FLII: variants seen among roughly 807,000 people sequenced by gnomAD.
FLII encodes the protein FLII actin remodeling protein, also known as protein flightless-1 homolog.
FLII carries 101 observed loss-of-function variants against 156.2 expected under a neutral mutation model. The ratio of observed to expected loss-of-function variants is 0.65; its 90% CI spans 0.55 to 0.76. The LOEUF is 0.76. Ranked by LOEUF, FLII falls within the 30% of genes least tolerant of loss-of-function variation. The probability of loss-of-function intolerance (pLI) is 0.00; values close to 1 mark genes in which losing one functional copy is unlikely to be tolerated. For missense variants in FLII, 1,675 were observed against 1,682.8 expected (o/e 1.00, Z 0.08); for synonymous variants, 767 against 685.8 (o/e 1.12, Z -1.85).
chr17:18,247,647 G>T lies in FLII; in HGVS notation c.2487+10C>A. 6.4e-7 allele frequency: 1 copy of T among 1,572,126 alleles called. No individual in the cohort carries two copies. Among genetic ancestry groups the T allele is most frequent in the African/African-American group, 1.3e-5 (1 of 74,212 alleles). ...ATCCTGGGGAGGGGCCTCCGAAGCT[G>T]CAAGCGCACCTGCGCCTCGGTGCCC... On this transcript the variant is annotated intron_variant, in intron 20 of 29. Transcript: ENST00000327031.
In FLII at chr17:18,254,554, A is replaced by G; in HGVS notation, c.542T>C (p.Leu181Pro). The G allele has an allele frequency of 6.2e-7, 1 of 1,613,090 alleles. No individual in the cohort carries two copies. ...TGCATGCAGCAGGGGGTTTCCATTG[A>G]GCACGAGCGTCTGCAGGTGCACCAG... is the stretch of plus-strand genomic sequence containing the variant. ...RRLVHLQTLV[L>P]NGNPLLHAQL... Residue 181 changes from leucine to proline, a missense_variant, in exon 6 of 30, where the codon CTC (leucine) becomes CCC (proline). Coordinates refer to ENST00000327031, the MANE Select transcript of FLII (RefSeq NM_002018.4).
intron 29 of FLII, 40 bp downstream of exon 29, chr17:18,245,314 G>C (rs2047994935): frequency 6.2e-7 from 1 of 1,613,830 alleles, no homozygotes; most frequent in Non-Finnish European, 8.5e-7. Context: ...ACCCTGCCCT[G>C]CCCACAGGCC....
chr17:18,249,452 TC>T, intron 14 of FLII, 44 bp from the exon 15 acceptor site: 1 of 1,501,026 alleles, frequency 6.7e-7, no homozygotes, highest in Non-Finnish European at 9.3e-7. Context: ...AGCTGCCCCC[TC>T]CCCCACCAAC....
At chr17:18,246,118 C>A in intron 25 of FLII, 44 bp downstream of exon 25, 1 of 1,614,154 alleles carries the variant, frequency 6.2e-7, no homozygotes, top group Non-Finnish European at 8.5e-7. Context: ...CCAAACACCC[C>A]ACCCCTTGGT....
chr17:18,247,549 G>A, intron 20 of FLII, 108 bp downstream of exon 20: 1 of 1,137,470 alleles, frequency 8.8e-7, no homozygotes, highest in Non-Finnish European at 1.2e-6. Context: ...CAGCAAAGAG[G>A]AGGTGGGTTT....
chr17:18,256,795 C>A, intron 2 of FLII, 114 bp downstream of exon 2: 1 of 807,734 alleles, frequency 1.2e-6, no homozygotes, highest in African/African-American at 1.7e-5. Flanking sequence ...TCTTCCAGCT[C>A]TGCTCATAGC....
At chr17:18,253,990 C>T (rs1195264779) in intron 7 of FLII, 89 bp downstream of exon 7, 6 of 1,018,588 alleles carry the variant, frequency 5.9e-6, no homozygotes, top group African/African-American at 3.2e-5. Context: ...GGTATTGGTC[C>T]GAAGAGCAGG....
chr17:18,247,951 T>G lies in FLII; in HGVS notation c.2273A>C (p.Glu758Ala). 6.2e-7 allele frequency: 1 copy of G among 1,614,122 alleles called. No individual in the cohort carries two copies. The highest frequency in any genetic ancestry group is 8.5e-7 in the Non-Finnish European group (1 of 1,179,954). ...TACCAGCCGCATTCTTGGCATCAGC[T>G]CCACCTTGGGACGCTGCTTATGTTC... ...SVEHKQRPKVELMPRMRLLQS... is the reference protein window; with the variant it reads ...SVEHKQRPKVALMPRMRLLQS... The change falls in exon 19 of 30, where the codon GAG becomes GCG. Residue 758 changes from glutamate to alanine, a missense_variant. Glu to Ala is a moderately radical substitution (Grantham distance 107). Coordinates refer to ENST00000327031, the MANE Select transcript of FLII (RefSeq NM_002018.4).
At chr17:18,251,120 G>A (rs1458971834) in intron 13 of FLII, 103 bp from the exon 14 acceptor site, 2 of 1,426,034 alleles carry the variant, frequency 1.4e-6, no homozygotes, top group East Asian at 2.5e-5. Flanking sequence ...CAGGGGCTTT[G>A]TACTGCCCCT....
rs901808779 is a variant in FLII at position 18,258,615 on chromosome 17, C to A, written c.63+13G>T. ...CCTGCAGGGAGGCCCGGCACGCGCC[C>A]GGCCCGGCTCACCTTGAAGTCGTTG... On this transcript the variant is annotated intron_variant, in intron 1 of 29. Coordinates refer to ENST00000327031, the MANE Select transcript of FLII (RefSeq NM_002018.4). This position sits in a 1 kb window ranked among gnomAD's most constrained non-coding sequence, Gnocchi z 4.2. 1 of 1,553,070 alleles carries A rather than the reference C, an allele frequency of 6.4e-7. No homozygotes were observed. Among genetic ancestry groups the A allele is most frequent in the South Asian group, 1.2e-5 (1 of 85,148 alleles).
At chr17:18,254,427 T>TAAGGGAG (rs1386485440) in intron 6 of FLII, 94 bp downstream of exon 6, 1 of 1,309,506 alleles carries the variant, frequency 7.6e-7, no homozygotes. Flanking sequence ...TGGCTGGGCC[T>TAAGGGAG]AAGGGAGAAG....
chr17:18,255,397 CA>C, intron 3 of FLII, 134 bp from the exon 4 acceptor site: 1 of 686,520 alleles, frequency 1.5e-6, no homozygotes, highest in Non-Finnish European at 2.6e-6. Context: ...GGCCTTTGAT[CA>C]AATAGCTCCC....
rs368913764 is a variant in FLII, at chr17:18,247,755, G to A, written c.2389C>T (p.Arg797Cys). ...WLGRKSPRLV[R>C]AAALKLGQEL... is the part of the protein sequence containing the mutation. Reference sequence around the variant, plus strand: ...TGACCCAGCTTGAGGGCGGCAGCGCGCACCAGGCGCGGGGACTTGCGGCCG... The same window carrying A: ...TGACCCAGCTTGAGGGCGGCAGCGCACACCAGGCGCGGGGACTTGCGGCCG... Residue 797 changes from arginine to cysteine, a missense_variant, in exon 20 of 30, where the codon CGC becomes TGC. By Grantham distance (180) the Arg-to-Cys change is radical. Coordinates refer to ENST00000327031, the MANE Select transcript of FLII (RefSeq NM_002018.4). The A allele has an allele frequency of 9.3e-6, 15 of 1,607,252 alleles. No homozygotes were observed. In the African/African-American group the frequency reaches 1.6e-4, roughly 17 times the overall value.
Position 18,244,954 on chromosome 17 carries a change from A to G in FLII, c.*184T>C, listed in dbSNP as rs2047973264. On this transcript the variant is annotated 3_prime_UTR_variant, in exon 30 of 30. Coordinates refer to ENST00000327031, the MANE Select transcript of FLII (RefSeq NM_002018.4). Reference sequence around the variant, plus strand: ...GCACTCACACTGTGGAGAGAGTTGGATTTCCCAGACCCCTGAGGGCACCTG... The same window carrying G: ...GCACTCACACTGTGGAGAGAGTTGGGTTTCCCAGACCCCTGAGGGCACCTG... The G allele has an allele frequency of 3.0e-6, 2 of 669,530 alleles. No homozygotes were observed. The highest frequency in any genetic ancestry group is 5.1e-5 in the East Asian group (2 of 39,522). The allele number at this position is 669,530 out of a possible 1,614,324, so 41.5% of individuals were successfully genotyped here.
At position 18,254,501 on chromosome 17, in the gene FLII, C is replaced by G. The variant is rs753015486; in HGVS notation, c.575+20G>C. 1 of 1,587,874 alleles carries G rather than the reference C, an allele frequency of 6.3e-7. No homozygotes were observed. ...CCTCAGGGTGGCTTCTGCAGGAGTG[C>G]GGTCCGAGGGGGCGCCCACCGGAGC... On this transcript the variant is annotated intron_variant, in intron 6 of 29. Transcript: ENST00000327031.
At position 18,247,735 on chromosome 17, in the gene FLII, C is replaced by G; in HGVS notation, c.2409G>C (p.Leu803=). 1.2e-6 allele frequency: 2 copies of G among 1,605,298 alleles called. No individual in the cohort carries two copies. Among genetic ancestry groups the G allele is most frequent in the Non-Finnish European group, 1.7e-6 (2 of 1,179,792 alleles). ...GCAGCATCCCGCACAGCTCCTGACC[C>G]AGCTTGAGGGCGGCAGCGCGCACCA... ...PRLVRAAALK[L]GQELCGMLHR... is the part of the protein sequence containing the mutation. Residue 803 remains leucine, a synonymous_variant, in exon 20 of 30, where the codon CTG becomes CTC. Coordinates refer to ENST00000327031, the MANE Select transcript of FLII (RefSeq NM_002018.4).
rs2142824377 is a variant in FLII at position 18,249,209 on chromosome 17, C to T, written c.1860-8G>A. On this transcript the variant is annotated splice_polypyrimidine_tract_variant and splice_region_variant and intron_variant, in intron 15 of 29. Transcript: ENST00000327031. Reference sequence around the variant, plus strand: ...CCATACACACGATACATCCTGGGCGCAGGGCAAGAGTGGCTCAGTGTAGGC... The same window carrying T: ...CCATACACACGATACATCCTGGGCGTAGGGCAAGAGTGGCTCAGTGTAGGC... The T allele has an allele frequency of 3.1e-6, 5 of 1,614,156 alleles. No homozygotes were observed. The African/African-American group carries it at 4.0e-5, about 13-fold the overall frequency.
chr17:18,245,651 G>A lies in FLII; in HGVS notation c.3513C>T (p.Asn1171=), dbSNP rs77506546. Residue 1171 remains asparagine, a synonymous_variant, in exon 28 of 30, where the codon AAC becomes AAT. Coordinates refer to ENST00000327031, the MANE Select transcript of FLII (RefSeq NM_002018.4). ...CAGTCACTGCAAAGTAGCCCTTCTC[G>A]TTGGAGCACCTGGGAATCAAGGGTC... ...MKHTRLFRCS[N]EKGYFAVTEK... The A allele has an allele frequency of 1.3e-3, 2,066 of 1,613,670 alleles. 3 individuals carry two copies. Among genetic ancestry groups the A allele is most frequent in the Middle Eastern group, 0.01 (63 of 6,060 alleles).
Position 18,256,535 on chromosome 17 carries a change from T to C in FLII, c.237A>G (p.Pro79=). 4 of 1,551,606 alleles carry C rather than the reference T, an allele frequency of 2.6e-6. No homozygotes were observed. The highest frequency in any genetic ancestry group is 3.5e-6 in the Non-Finnish European group (4 of 1,146,956). ...TTLHGELSSL[P]SLRAIVARAN... is the part of the protein sequence containing the mutation. ...CCCGGCCAGCACTCACGCGCAGCGA[T>C]GGCAGGCTGGACAGCTCCCCATGAA... is the stretch of plus-strand genomic sequence containing the variant. The change falls in exon 3 of 30, where the codon CCA becomes CCG. Residue 79 remains proline (P), a synonymous_variant. Transcript: ENST00000327031.
Sources: allele counts gnomAD v4.1 joint callset, GRCh38; gene constraint gnomAD v4.1.1; non-coding constraint Gnocchi (gnomAD v3.1); transcripts MANE v1.5; gene names NCBI Gene and HGNC (gene_info 2026-07-23, HGNC 2026-07-21).